RCAN1: variants seen among roughly 807,000 people sequenced by gnomAD.
The protein encoded by RCAN1 is calcipressin-1.
A neutral mutation model predicts 22.9 loss-of-function variants in RCAN1; 11 were observed. That is an observed-to-expected ratio of 0.48 (90% CI 0.30 to 0.79). The LOEUF (loss-of-function observed/expected upper bound fraction) is 0.79. RCAN1 is among the 30% of genes least tolerant of loss of function. RCAN1 has a pLI of 0.06. For synonymous variants in RCAN1, 136 were observed against 142.3 expected (o/e 0.96, Z 0.32); for missense variants, 291 against 337.8 (o/e 0.86, Z 1.09).
rs189763947 is a variant in RCAN1, at chr21:34,551,195, C to T, written c.253-27485G>A. 3.7e-4 allele frequency among the ~76,000 whole-genome samples: 56 copies of T among 152,268 alleles called. 1 individual carries two copies. Among genetic ancestry groups the T allele is most frequent in the African/African-American group, 1.2e-3 (49 of 41,546 alleles). On this transcript the variant is annotated intron_variant, in intron 1 of 3. Coordinates refer to ENST00000313806, the MANE Select transcript of RCAN1 (RefSeq NM_004414.7). ...CTAAGGGAAAACATTAGAATGGGTG[C>T]ATACCAATAGTAACTATTTTTAATC...
chr21:34,576,090 G>A (rs1987404664), intron 1 of RCAN1, among the ~76,000 whole-genome samples: 1 of 152,132 alleles, frequency 6.6e-6, no homozygotes, highest in African/African-American at 2.4e-5. Context: ...AAAGCTTGTG[G>A]AAAATTTTTA....
Position 34,518,246 on chromosome 21 carries a change from A to G in RCAN1, c.597T>C (p.Tyr199=). 1 of 1,614,024 alleles carries G rather than the reference A, an allele frequency of 6.2e-7. No homozygotes were observed. The highest frequency in any genetic ancestry group is 8.5e-7 in the Non-Finnish European group (1 of 1,179,944). The change falls in exon 4 of 4, where the codon TAT becomes TAC. Residue 199 remains tyrosine (Y), a synonymous_variant. Transcript: ENST00000313806. The surrounding 1 kb of genome is among the most constrained non-coding windows in gnomAD (Gnocchi z 4.2). Reference sequence around the variant, plus strand: ...TGGTGTCAGTCGCTGCGTGCAATTCATACTTTTCCCCTAAGGAGGGAAAAT... The same window carrying G: ...TGGTGTCAGTCGCTGCGTGCAATTCGTACTTTTCCCCTAAGGAGGGAAAAT... ...AISKLGPGEK[Y]ELHAATDTTP...
intron 1 of RCAN1, among the ~76,000 whole-genome samples, chr21:34,613,466 C>A (rs372162832): frequency 6.6e-6 from 1 of 152,216 alleles, no homozygotes; most frequent in Non-Finnish European, 1.5e-5. Flanking sequence ...GGCAAACTTT[C>A]ATACAACACA....
intron 1 of RCAN1, among the ~76,000 whole-genome samples, chr21:34,535,928 G>GAAAAAA (rs1241758690): frequency 6.6e-6 from 1 of 150,442 alleles, no homozygotes; most frequent in East Asian, 2.0e-4. Context: ...AAAAAGAAAA[G>GAAAAAA]AGAAAAATAA....
intron 1 of RCAN1, among the ~76,000 whole-genome samples, chr21:34,596,614 C>A (rs1601212143): frequency 6.6e-6 from 1 of 152,188 alleles, no homozygotes; most frequent in East Asian, 1.9e-4. Flanking sequence ...CAGGAGCAAC[C>A]CCCGCTGCCA....
Position 34,521,441 on chromosome 21 carries a change from G to T in RCAN1, c.586+58C>A, listed in dbSNP as rs558935394. The stretch of plus-strand genomic sequence containing the variant: ...GGGGTAGTGGTGGTACTGCTCCCTG[G>T]TGCAGGGCAGCAGCTGTGTCTCCCC... On this transcript the variant is annotated intron_variant, in intron 3 of 3. Coordinates refer to ENST00000313806, the MANE Select transcript of RCAN1 (RefSeq NM_004414.7). 3.7e-6 allele frequency: 6 copies of T among 1,611,974 alleles called. No homozygotes were observed. In the African/African-American group the frequency reaches 4.0e-5, roughly 11 times the overall value.
At chr21:34,553,327 T>C (rs1568904490) in intron 1 of RCAN1, among the ~76,000 whole-genome samples, 1 of 152,126 alleles carries the variant, frequency 6.6e-6, no homozygotes, top group Admixed American at 6.5e-5. Context: ...CATTGGTGCT[T>C]TTCAGTTTTA....
At chr21:34,603,915 G>A (rs1988442513) in intron 1 of RCAN1, among the ~76,000 whole-genome samples, 1 of 152,206 alleles carries the variant, frequency 6.6e-6, no homozygotes, top group Admixed American at 6.5e-5. Flanking sequence ...GAGTGGGAGA[G>A]GGTGCTACTA....
chr21:34,593,580 C>A (rs1357452921), intron 1 of RCAN1, among the ~76,000 whole-genome samples: 1 of 152,204 alleles, frequency 6.6e-6, no homozygotes, highest in East Asian at 1.9e-4. Context: ...GTCTCTTAGT[C>A]ACAGAAGGGG....
intron 1 of RCAN1, among the ~76,000 whole-genome samples, chr21:34,569,527 C>G (rs1464577567): frequency 6.6e-6 from 1 of 152,200 alleles, no homozygotes; most frequent in Non-Finnish European, 1.5e-5. Flanking sequence ...TGAGCTCAGA[C>G]AGAAAGGCAG....
chr21:34,555,290 G>A (rs548748023), intron 1 of RCAN1, among the ~76,000 whole-genome samples: 1 of 152,326 alleles, frequency 6.6e-6, no homozygotes, highest in Admixed American at 6.5e-5. Context: ...GCCAATCGGG[G>A]ACATTTGAAC....
chr21:34,539,445 G>T (rs1469193734), intron 1 of RCAN1, among the ~76,000 whole-genome samples: 1 of 152,202 alleles, frequency 6.6e-6, no homozygotes, highest in Non-Finnish European at 1.5e-5. Context: ...TGAAAAGAAA[G>T]AATATGTGTG....
At chr21:34,555,017 A>G (rs116948241) in intron 1 of RCAN1, among the ~76,000 whole-genome samples, 1,658 of 152,340 alleles carry the variant, frequency 0.011, 63 homozygotes, top group East Asian at 0.11. Context: ...GGGAGCTACA[A>G]GAAGAGATTT....
In RCAN1 at chr21:34,614,760, C is replaced by A; in HGVS notation, c.252G>T (p.Arg84=). The change falls in exon 1 of 4, where the codon CGG becomes CGT. Residue 84 remains arginine (R), a splice_region_variant and synonymous_variant. Coordinates refer to ENST00000313806, the MANE Select transcript of RCAN1 (RefSeq NM_004414.7). This position sits in a 1 kb window ranked among gnomAD's most constrained non-coding sequence, Gnocchi z 6.0. ...ACGGCCCGCCCGGCGCGGTCCTCAC[C>A]CGGCACAGGCCGTCCACGAACACGC... The part of the protein sequence containing the change: ...DPRVFVDGLC[R]AKFESLFRTY... 6.9e-7 allele frequency: 1 copy of A among 1,440,246 alleles called. No homozygotes were observed. The highest frequency in any genetic ancestry group is 3.3e-5 in the East Asian group (1 of 30,542). 89.2% of individuals were successfully genotyped at this position (1,440,246 alleles called of 1,614,324 possible). A position where few individuals can be genotyped will look rare whatever the true frequency, so the allele number is the denominator to read the frequency against.
intron 1 of RCAN1, among the ~76,000 whole-genome samples, chr21:34,599,024 CAG>C (rs1988251282): frequency 1.3e-5 from 2 of 152,068 alleles, no homozygotes; most frequent in African/African-American, 4.8e-5. Flanking sequence ...AGAATGTGGG[CAG>C]AGAGGAACTC....
At chr21:34,537,124 AC>A (rs1283853242) in intron 1 of RCAN1, among the ~76,000 whole-genome samples, 2 of 152,226 alleles carry the variant, frequency 1.3e-5, no homozygotes, top group Non-Finnish European at 2.9e-5. Flanking sequence ...ATGATTCAAA[AC>A]ATACTGAAGG....
At chr21:34,604,375 G>T (rs1988458862) in intron 1 of RCAN1, among the ~76,000 whole-genome samples, 1 of 152,016 alleles carries the variant, frequency 6.6e-6, no homozygotes. Flanking sequence ...CAGGTGATCT[G>T]CCCGCCTCAG....
chr21:34,613,871 A>C, intron 1 of RCAN1: 1 of 1,399,878 alleles, frequency 7.1e-7, no homozygotes, highest in Non-Finnish European at 9.5e-7. Flanking sequence ...ACCCACAGCC[A>C]AGCGCTGAAA....
In RCAN1 at chr21:34,525,316, G is replaced by T; in HGVS notation, c.253-1606C>A. 2.0e-6 allele frequency: 3 copies of T among 1,533,006 alleles called. No individual in the cohort carries two copies. In the African/African-American group the frequency reaches 4.1e-5, roughly 21 times the overall value. 95.0% of individuals were successfully genotyped at this position (1,533,006 alleles called of 1,614,324 possible). A position where few individuals can be genotyped will look rare whatever the true frequency, so the allele number is the denominator to read the frequency against. ...GACCTTGCTCTCCTTGCATTCCCCG[G>T]CTTTTCTTCAGTTTAGGGACATTTC... On this transcript the variant is annotated intron_variant, in intron 1 of 3. Coordinates refer to ENST00000313806, the MANE Select transcript of RCAN1 (RefSeq NM_004414.7).
Sources: gnomAD v4.1 joint callset for allele counts (sites outside exome capture counted in the v4.1 genomes callset) on GRCh38, gnomAD v4.1.1 for gene constraint, Gnocchi (gnomAD v3.1) non-coding constraint, MANE v1.5 for transcripts, NCBI Gene and HGNC (gene_info 2026-07-23, HGNC 2026-07-21) for gene names.